The following NF2 variants were observed in gnomAD, a reference collection of about 807,000 sequenced individuals.
NF2 encodes the protein merlin.
Under a neutral mutation model 83.7 loss-of-function variants are expected in NF2, and 8 were observed. That is an observed-to-expected ratio of 0.10 (90% confidence interval 0.06 to 0.17). The LOEUF is 0.17. Among genes scored for constraint, NF2 ranks in the 10% least tolerant of loss-of-function variants. The pLI is 1.00. For missense variants in NF2, 533 were observed against 744.4 expected (o/e 0.72, Z 3.31); for synonymous variants, 266 against 269.6 (o/e 0.99, Z 0.13).
intron 11 of NF2, among the ~76,000 whole-genome samples, chr22:29,672,335 G>T (rs912191044): frequency 1.5e-5 from 2 of 136,908 alleles, no homozygotes; most frequent in African/African-American, 5.5e-5. Flanking sequence ...TTTTTGAGAC[G>T]GAGTCTCGCT....
intron 2 of NF2, among the ~76,000 whole-genome samples, chr22:29,637,715 C>T (rs2065685918): frequency 6.6e-6 from 1 of 150,388 alleles, no homozygotes; most frequent in African/African-American, 2.5e-5. Context: ...ACCAGTTTGA[C>T]TCAAAGCTTA....
intron 15 of NF2, among the ~76,000 whole-genome samples, chr22:29,688,667 G>T (rs934615893): frequency 2.0e-5 from 3 of 152,222 alleles, no homozygotes; most frequent in Non-Finnish European, 4.4e-5. Context: ...GCTGCTTTGG[G>T]TCCCTCAGGG....
chr22:29,642,179 G>T (rs757335020), intron 3 of NF2, 23 bp from the exon 4 acceptor site: 1 of 1,594,876 alleles, frequency 6.3e-7, no homozygotes, highest in African/African-American at 1.3e-5. Context: ...AGAGTATCAT[G>T]TCTCCCTTGT....
chr22:29,649,362 C>T (rs2066075675), intron 4 of NF2, among the ~76,000 whole-genome samples: 1 of 152,160 alleles, frequency 6.6e-6, no homozygotes, highest in African/African-American at 2.4e-5. Flanking sequence ...GGGTGGATCA[C>T]TGGAGGCCAG....
At chr22:29,639,555 CA>C (rs1176257836) in intron 3 of NF2, among the ~76,000 whole-genome samples, 1 of 152,134 alleles carries the variant, frequency 6.6e-6, no homozygotes, top group Non-Finnish European at 1.5e-5. Flanking sequence ...TCTTATAAAG[CA>C]GTAGTTCTTC....
intron 7 of NF2, 51 bp from the exon 8 acceptor site, chr22:29,661,154 A>G: frequency 1.9e-6 from 3 of 1,613,548 alleles, no homozygotes; most frequent in Non-Finnish European, 2.5e-6. Flanking sequence ...GTTGAATAAA[A>G]TTTTGAGCCT....
intron 15 of NF2, among the ~76,000 whole-genome samples, chr22:29,688,041 C>G (rs1334157446): frequency 6.6e-6 from 1 of 152,194 alleles, no homozygotes; most frequent in Non-Finnish European, 1.5e-5. Context: ...CCTGGTGTCT[C>G]GTAACTGTTG....
intron 8 of NF2, among the ~76,000 whole-genome samples, chr22:29,662,263 T>C (rs543825840): frequency 6.6e-6 from 1 of 152,226 alleles, no homozygotes; most frequent in East Asian, 1.9e-4. Flanking sequence ...GCCTCCCAGG[T>C]AACAGACTAC....
Position 29,603,962 on chromosome 22 carries a change from CG to C in NF2, c.-36del, listed in dbSNP as rs2064710390. The C allele has an allele frequency of 6.7e-7, 1 of 1,483,558 alleles. No homozygotes were observed. Among genetic ancestry groups the C allele is most frequent in the Non-Finnish European group, 9.2e-7 (1 of 1,086,850 alleles). The allele number at this position is 1,483,558 out of a possible 1,614,324, so 91.9% of individuals were successfully genotyped here. A position where few individuals can be genotyped will look rare whatever the true frequency, so the allele number is the denominator to read the frequency against. On this transcript the variant is annotated 5_prime_UTR_variant, in exon 1 of 16. Transcript: ENST00000338641. The stretch of plus-strand genomic sequence containing the variant: ...GGGCTAAAGGGCTCAGAGTGCAGGC[CG>C]TGGGGCGCGAGGGTCCCGGGCCTGA...
chr22:29,654,202 A>G (rs2066234055), intron 4 of NF2, among the ~76,000 whole-genome samples: 1 of 152,228 alleles, frequency 6.6e-6, no homozygotes, highest in Non-Finnish European at 1.5e-5. Flanking sequence ...GGTGAAAGGT[A>G]TTAAAACTAC....
chr22:29,681,891 T>A (rs916880561), intron 15 of NF2, among the ~76,000 whole-genome samples: 10 of 152,174 alleles, frequency 6.6e-5, no homozygotes, highest in African/African-American at 2.4e-4. Flanking sequence ...TAATGCCCTT[T>A]TAAGCCAAGG....
chr22:29,657,813 A>G (rs1010887125), intron 6 of NF2, among the ~76,000 whole-genome samples: 3 of 152,260 alleles, frequency 2.0e-5, no homozygotes. Context: ...ACAAAGGAAA[A>G]GCAAGAACTT....
At chr22:29,631,710 A>G (rs1044787044) in intron 1 of NF2, among the ~76,000 whole-genome samples, 1 of 152,228 alleles carries the variant, frequency 6.6e-6, no homozygotes, top group African/African-American at 2.4e-5. Flanking sequence ...ACAATTAACA[A>G]TAACTACCCC....
intron 13 of NF2, among the ~76,000 whole-genome samples, chr22:29,676,312 C>G (rs1462430766): frequency 6.6e-6 from 1 of 151,888 alleles, no homozygotes; most frequent in African/African-American, 2.4e-5. Context: ...TAGCTGGGAC[C>G]ACAGACATGC....
rs10555211 is a variant in NF2, at chr22:29,640,768, C to CGT, written c.364-1412_364-1411dup. 5.2e-3 allele frequency among the ~76,000 whole-genome samples: 779 copies of CGT among 149,922 alleles called. 7 individuals are homozygous for CGT. Among genetic ancestry groups the CGT allele is most frequent in the African/African-American group, 0.01 (415 of 40,890 alleles). ...TTCTTTTTAAAAAAGGTCTGGGGGG[C>CGT]GTGTGTGTGTGTGTGTGTGTGTGCA... On this transcript the variant is annotated intron_variant, in intron 3 of 15. Coordinates refer to ENST00000338641, the MANE Select transcript of NF2 (RefSeq NM_000268.4).
chr22:29,692,797 C>T (rs2067442255), intron 15 of NF2, among the ~76,000 whole-genome samples: 3 of 152,248 alleles, frequency 2.0e-5, no homozygotes, highest in Admixed American at 6.5e-5. Flanking sequence ...GCAATAACAG[C>T]TGCCGAGTTC....
intron 8 of NF2, among the ~76,000 whole-genome samples, chr22:29,664,388 C>T (rs567108339): frequency 1.0e-3 from 152 of 152,058 alleles, no homozygotes; most frequent in Middle Eastern, 3.4e-3. Flanking sequence ...CACACACACA[C>T]ACACACACAC....
At chr22:29,605,106 T>A (rs2064751184) in intron 1 of NF2, among the ~76,000 whole-genome samples, 1 of 151,180 alleles carries the variant, frequency 6.6e-6, no homozygotes, top group Non-Finnish European at 1.5e-5. Context: ...TGCCTCAGCC[T>A]CTCGAGTAGC....
At chr22:29,659,091 T>C (rs1419791321) in intron 7 of NF2, among the ~76,000 whole-genome samples, 5 of 152,246 alleles carry the variant, frequency 3.3e-5, no homozygotes, top group African/African-American at 7.2e-5. Context: ...AAATACAGAT[T>C]TGTATGGATT....
Sources: allele counts gnomAD v4.1 joint callset (sites outside exome capture counted in the v4.1 genomes callset), GRCh38; gene constraint gnomAD v4.1.1; transcripts MANE v1.5; gene names NCBI Gene and HGNC (gene_info 2026-07-23, HGNC 2026-07-21).